CCT3: variants seen among roughly 807,000 people sequenced by gnomAD.
CCT3 encodes T-complex protein 1 subunit gamma.
In CCT3, 10 loss-of-function variants were observed where a neutral mutation model predicts 65.3. The observed-to-expected ratio is 0.15, with a 90% CI of 0.09 to 0.26. The LOEUF (loss-of-function observed/expected upper bound fraction) is 0.26. Among genes scored for constraint, CCT3 ranks in the 10% least tolerant of loss-of-function variants. The probability of loss-of-function intolerance (pLI) is 1.00; values close to 1 mark genes in which losing one functional copy is unlikely to be tolerated. For missense variants in CCT3, 626 were observed against 708.7 expected, an observed-to-expected ratio of 0.88 and a Z score of 1.33; for synonymous variants, 225 against 242.3, an observed-to-expected ratio of 0.93 and a Z score of 0.66.
intron 13 of CCT3, among the ~76,000 whole-genome samples, chr1:156,309,662 G>A (rs1316041547): frequency 1.3e-5 from 2 of 151,896 alleles, no homozygotes; most frequent in African/African-American, 4.8e-5. Context: ...CTGACCTCAC[G>A]TGATCCACCT....
intron 10 of CCT3, among the ~76,000 whole-genome samples, chr1:156,313,805 G>A (rs1006154699): frequency 2.6e-5 from 4 of 152,094 alleles, no homozygotes; most frequent in East Asian, 1.9e-4. Context: ...GTAAAGAACC[G>A]TCGGCTGGGC....
chr1:156,323,260 C>T (rs944378373), intron 6 of CCT3, among the ~76,000 whole-genome samples: 1 of 112,174 alleles, frequency 8.9e-6, no homozygotes, highest in Admixed American at 1.1e-4. Context: ...GAGCCGAGAT[C>T]GCGCCATTCA....
chr1:156,335,638 T>C (rs903092980), intron 2 of CCT3, 189 bp downstream of exon 2: 147 of 561,266 alleles, frequency 2.6e-4, no homozygotes, highest in Admixed American at 1.5e-3. Context: ...AGATTATCAG[T>C]CCTAACTCAG....
At position 156,333,661 on chromosome 1, in the gene CCT3, T is replaced by A; in HGVS notation, c.208-18A>T. On this transcript the variant is annotated intron_variant, in intron 4 of 13. Coordinates refer to ENST00000295688, the MANE Select transcript of CCT3 (RefSeq NM_005998.5). ...ACTTGAATCTAAAAAGGTAGATCAC[T>A]AGTGAATTCACACTATTCAAAGACC... 1 of 1,598,346 alleles carries A rather than the reference T, an allele frequency of 6.3e-7. No individual in the cohort carries two copies. Among genetic ancestry groups the A allele is most frequent in the Non-Finnish European group, 8.6e-7 (1 of 1,165,808 alleles).
At chr1:156,312,615 G>A (rs140420252) in intron 10 of CCT3, among the ~76,000 whole-genome samples, 92 of 151,846 alleles carry the variant, frequency 6.1e-4, no homozygotes, top group African/African-American at 1.4e-3. Context: ...CTGTGACCAT[G>A]CCACTGCACT....
chr1:156,314,247 CTG>C (rs891100518), intron 10 of CCT3, among the ~76,000 whole-genome samples: 6 of 152,120 alleles, frequency 3.9e-5, no homozygotes. Context: ...CAGGAGCAAA[CTG>C]TGTCCAGATG....
chr1:156,317,345 G>A lies in CCT3; in HGVS notation c.892+70C>T, dbSNP rs878978955. 57 of 1,593,672 alleles carry A rather than the reference G, an allele frequency of 3.6e-5. No homozygotes were observed. The South Asian group carries it at 6.0e-4, about 17-fold the overall frequency. ...ACACTATTACGCCCCTGCCAAACAT[G>A]AGGGGAGAAAACAAATCACCCACCC... On this transcript the variant is annotated intron_variant, in intron 9 of 13. Transcript: ENST00000295688.
Position 156,309,435 on chromosome 1 carries a change from T to A in CCT3, c.1534-132A>T, listed in dbSNP as rs1215545505. On this transcript the variant is annotated intron_variant, in intron 13 of 13. Coordinates refer to ENST00000295688, the MANE Select transcript of CCT3 (RefSeq NM_005998.5). ...TGAAATCTACCTTTTCAGTCTTTTA[T>A]TTTTTTTTGAGACGCAGTTTCCCTC... is the stretch of plus-strand genomic sequence containing the variant. 3 of 568,566 alleles carry A rather than the reference T, an allele frequency of 5.3e-6. No homozygotes were observed. The African/African-American group carries it at 5.7e-5, about 11-fold the overall frequency. The allele number at this position is 568,566 out of a possible 1,614,324, so 35.2% of individuals were successfully genotyped here. A position where few individuals can be genotyped will look rare whatever the true frequency, so the allele number is the denominator to read the frequency against.
At chr1:156,323,465 TTTTA>T (rs1164541090) in intron 6 of CCT3, among the ~76,000 whole-genome samples, 4 of 152,146 alleles carry the variant, frequency 2.6e-5, no homozygotes, top group East Asian at 1.9e-4. Context: ...ACATTTTTAT[TTTTA>T]TTTATTTATT....
chr1:156,338,077 G>A, intron 1 of CCT3, 77 bp downstream of exon 1: 1 of 1,496,066 alleles, frequency 6.7e-7, no homozygotes, highest in Non-Finnish European at 9.1e-7. Flanking sequence ...GTGGGGGACG[G>A]AGCTGGGGCA....
rs771001181 is a variant in CCT3 at position 156,317,226 on chromosome 1, A to G, written c.914T>C (p.Met305Thr). The G allele has an allele frequency of 4.3e-5, 69 of 1,614,204 alleles. No homozygotes were observed. In the East Asian group the frequency reaches 9.8e-4, roughly 23 times the overall value. Residue 305 changes from methionine (M) to threonine (T), a missense_variant, in exon 10 of 14, where the codon ATG becomes ACG. Met to Thr is a moderately conservative substitution (Grantham distance 81, BLOSUM62 -1). Transcript: ENST00000295688. ...GISDLAQHYLMRANITAIRRV... is the reference protein window; with the variant it reads ...GISDLAQHYLTRANITAIRRV... ...GCGGATGGCTGTGATATTGGCCCGC[A>G]TAAGGTAGTGCTGAGCTAAATCTAC...
At chr1:156,317,639 C>T (rs1396406657) in intron 8 of CCT3, 92 bp from the exon 9 acceptor site, 73 of 1,194,734 alleles carry the variant, frequency 6.1e-5, no homozygotes, top group Non-Finnish European at 8.0e-5. Context: ...ACCTCTCCCA[C>T]GTATCTCAGA....
At position 156,325,084 on chromosome 1, in the gene CCT3, C is replaced by T. The variant is rs1168338202; in HGVS notation, c.310G>A (p.Glu104Lys). Residue 104 changes from glutamate (E) to lysine (K), a missense_variant, in exon 6 of 14, where the codon GAA becomes AAA. Coordinates refer to ENST00000295688, the MANE Select transcript of CCT3 (RefSeq NM_005998.5). The part of the protein sequence containing the change: ...GTTSVIILAG[E>K]MLSVAEHFLE... ...AAGTGCTCAGCTACAGACAGCATTT[C>T]CCCTGCTGAAAAAGATACAAGCACC... is the stretch of plus-strand genomic sequence containing the variant. The T allele has an allele frequency of 1.9e-6, 3 of 1,608,430 alleles. No individual in the cohort carries two copies. The highest frequency in any genetic ancestry group is 2.5e-6 in the Non-Finnish European group (3 of 1,176,644).
At chr1:156,310,754 G>GT in intron 12 of CCT3, 65 bp from the exon 13 acceptor site, 1 of 1,580,052 alleles carries the variant, frequency 6.3e-7, no homozygotes, top group Admixed American at 1.7e-5. Flanking sequence ...AAGAAATGAA[G>GT]TAAAAAACAA....
intron 5 of CCT3, among the ~76,000 whole-genome samples, chr1:156,329,393 C>A (rs1011117495): frequency 2.0e-5 from 3 of 150,818 alleles, no homozygotes; most frequent in Non-Finnish European, 2.9e-5. Flanking sequence ...GCAACCTCCA[C>A]CTCTCAGGTT....
chr1:156,331,102 G>A (rs529698083), intron 5 of CCT3, among the ~76,000 whole-genome samples: 1 of 151,396 alleles, frequency 6.6e-6, no homozygotes, highest in Non-Finnish European at 1.5e-5. Context: ...CGCGGTGGTG[G>A]GCATCTGTAA....
At position 156,317,443 on chromosome 1, in the gene CCT3, A is replaced by G. The variant is rs545907311; in HGVS notation, c.864T>C (p.Asp288=). Reference sequence around the variant, plus strand: ...AGATGCCCTTTTCAGTGATGACCACATCGGGCTTCAGTTGGATAATGTCCT... The same window carrying G: ...AGATGCCCTTTTCAGTGATGACCACGTCGGGCTTCAGTTGGATAATGTCCT... ...LCEDIIQLKP[D]VVITEKGISD... is the part of the protein sequence containing the mutation. Residue 288 remains aspartate (D), a synonymous_variant, in exon 9 of 14, where the codon GAT becomes GAC. Coordinates refer to ENST00000295688, the MANE Select transcript of CCT3 (RefSeq NM_005998.5). The G allele has an allele frequency of 3.1e-6, 5 of 1,613,736 alleles. No individual in the cohort carries two copies. The highest frequency in any genetic ancestry group is 2.7e-5 in the African/African-American group (2 of 75,026).
Position 156,335,830 on chromosome 1 carries a change from G to T in CCT3, c.90C>A (p.Ala30=). Residue 30 remains alanine, a synonymous_variant, in exon 2 of 14, where the codon GCC becomes GCA. Transcript: ENST00000295688. ...RKVQSGNINA[A]KTIADIIRTC... ...AAACACTTAAAAGATTTGTGACCTT[G>T]GCAGCATTGATGTTTCCAGATTGAA... is the stretch of plus-strand genomic sequence containing the variant. 6.2e-7 allele frequency: 1 copy of T among 1,613,460 alleles called. No homozygotes were observed.
chr1:156,316,024 A>G (rs775320410), intron 10 of CCT3, among the ~76,000 whole-genome samples: 1 of 152,012 alleles, frequency 6.6e-6, no homozygotes, highest in Non-Finnish European at 1.5e-5. Context: ...GAGGAAGGCG[A>G]ATAAACATGT....
Sources: gnomAD v4.1 joint callset for allele counts (sites outside exome capture counted in the v4.1 genomes callset) on GRCh38, gnomAD v4.1.1 for gene constraint, MANE v1.5 for transcripts, NCBI Gene and HGNC (gene_info 2026-07-23, HGNC 2026-07-21) for gene names.